PDS5A: variants seen among roughly 807,000 people sequenced by gnomAD.
PDS5A encodes the protein PDS5 cohesin associated factor A, also known as sister chromatid cohesion protein PDS5 homolog A.
A neutral mutation model predicts 167.1 loss-of-function variants in PDS5A; 42 were observed. The observed-to-expected ratio is 0.25, with a 90% confidence interval of 0.20 to 0.33. The LOEUF is 0.33. Ranked by LOEUF, PDS5A falls within the 10% of genes least tolerant of loss-of-function variation. The pLI, the probability that PDS5A is intolerant of heterozygous loss-of-function variation, is 1.00. For synonymous variants in PDS5A, 553 were observed against 554.6 expected (o/e 1.00, Z 0.04); for missense variants, 1,033 against 1,605.9 (o/e 0.64, Z 6.10).
At position 39,977,602 on chromosome 4, in the gene PDS5A, C is replaced by T. The variant is rs896165217; in HGVS notation, c.-186G>A. The T allele has an allele frequency of 1.3e-5, 2 of 159,434 alleles. No homozygotes were observed. The highest frequency in any genetic ancestry group is 2.7e-5 in the Non-Finnish European group (2 of 74,568). 9.9% of individuals were successfully genotyped at this position (159,434 alleles called of 1,614,324 possible). A position where few individuals can be genotyped will look rare whatever the true frequency, so the allele number is the denominator to read the frequency against. Reference sequence around the variant, plus strand: ...GCCGCCCGCCCGCCCGGGAGCGGCGCTGGGGCTGGCGGTGCCGAGGAGGAG... The same window carrying T: ...GCCGCCCGCCCGCCCGGGAGCGGCGTTGGGGCTGGCGGTGCCGAGGAGGAG... On this transcript the variant is annotated 5_prime_UTR_variant, in exon 1 of 33. Coordinates refer to ENST00000303538, the MANE Select transcript of PDS5A (RefSeq NM_001100399.2). The surrounding 1 kb of genome is among the most constrained non-coding windows in gnomAD (Gnocchi z 4.2).
intron 8 of PDS5A, among the ~76,000 whole-genome samples, chr4:39,914,254 C>T (rs557445426): frequency 5.3e-5 from 8 of 150,988 alleles, no homozygotes; most frequent in East Asian, 2.0e-4. Context: ...CTCTGCCTCC[C>T]GGGTTCAAGA....
At position 39,931,466 on chromosome 4, in the gene PDS5A, C is replaced by T. The variant is rs375233322; in HGVS notation, c.139-3302G>A. ...AATCTCTCAAGAGGCTGTACCTGGT[C>T]AAGGCTGCAGTTATCTGAAGGCTTG... On this transcript the variant is annotated intron_variant, in intron 2 of 32. Coordinates refer to ENST00000303538, the MANE Select transcript of PDS5A (RefSeq NM_001100399.2). 4.8e-4 allele frequency among the ~76,000 whole-genome samples: 73 copies of T among 152,192 alleles called. No individual in the cohort carries two copies. In the South Asian group the frequency reaches 0.015, roughly 30 times the overall value.
chr4:39,927,949 G>C lies in PDS5A; in HGVS notation c.342+12C>G, dbSNP rs745916011. On this transcript the variant is annotated intron_variant, in intron 3 of 32. Transcript: ENST00000303538. ...ATGAAAAATACAATAAAGTGAAAAA[G>C]GCTGTATTTACCTTAAGTTTATCAT... 6.4e-7 allele frequency: 1 copy of C among 1,571,762 alleles called. No homozygotes were observed.
intron 26 of PDS5A, among the ~76,000 whole-genome samples, chr4:39,851,360 C>A (rs1024224974): frequency 2.7e-5 from 4 of 150,888 alleles, no homozygotes; most frequent in African/African-American, 9.8e-5. Context: ...AGTGCAGTGG[C>A]GTGATCACAG....
chr4:39,900,015 G>A (rs1371769298), intron 14 of PDS5A, among the ~76,000 whole-genome samples: 4 of 151,876 alleles, frequency 2.6e-5, no homozygotes, highest in African/African-American at 7.3e-5. Context: ...AAAATTTAAT[G>A]GCATTTCTTT....
chr4:39,867,237 T>A (rs1221699713), intron 22 of PDS5A, among the ~76,000 whole-genome samples: 1 of 151,548 alleles, frequency 6.6e-6, no homozygotes. Context: ...AAAATTCTTA[T>A]GAGGAAGATT....
intron 2 of PDS5A, among the ~76,000 whole-genome samples, chr4:39,929,540 T>TAC (rs1560493135): frequency 1.0e-5 from 1 of 98,694 alleles, no homozygotes; most frequent in African/African-American, 3.4e-5. Flanking sequence ...TATATATATA[T>TAC]ATATATATAT....
At chr4:39,968,103 T>C (rs1730156272) in intron 2 of PDS5A, among the ~76,000 whole-genome samples, 1 of 152,136 alleles carries the variant, frequency 6.6e-6, no homozygotes, top group South Asian at 2.1e-4. Flanking sequence ...TGCACAGCTA[T>C]TTATAAGTGT....
chr4:39,835,902 T>C (rs904656222), intron 32 of PDS5A, among the ~76,000 whole-genome samples: 6 of 152,178 alleles, frequency 3.9e-5, no homozygotes, highest in African/African-American at 7.2e-5. Context: ...TTAGGTAGCC[T>C]GTGTGTGATG....
intron 2 of PDS5A, among the ~76,000 whole-genome samples, chr4:39,972,539 A>T (rs890130677): frequency 2.0e-5 from 3 of 151,880 alleles, no homozygotes; most frequent in Non-Finnish European, 4.4e-5. Flanking sequence ...ATAAATAAAT[A>T]AAAAATAAAA....
intron 5 of PDS5A, among the ~76,000 whole-genome samples, chr4:39,923,732 A>G (rs1725225638): frequency 6.6e-6 from 1 of 151,990 alleles, no homozygotes; most frequent in Admixed American, 6.6e-5. Context: ...AAAGGTGATA[A>G]AATTTTAAGG....
At position 39,830,582 on chromosome 4, in the gene PDS5A, C is replaced by A. The variant is rs188999924; in HGVS notation, c.4011-5094G>T. ...CTGAGATTACAGGTGTGTGCCACCA[C>A]GCCCAGCTAATTTTGTATTTTTAGT... On this transcript the variant is annotated intron_variant, in intron 32 of 32. Transcript: ENST00000303538. Among the ~76,000 whole-genome samples, 395 of 152,196 alleles carry A rather than the reference C, an allele frequency of 2.6e-3. 2 individuals are homozygous for A. Among genetic ancestry groups the A allele is most frequent in the Non-Finnish European group, 5.0e-3 (338 of 68,008 alleles).
chr4:39,951,162 G>A (rs1249858673), intron 2 of PDS5A, among the ~76,000 whole-genome samples: 1 of 152,080 alleles, frequency 6.6e-6, no homozygotes, highest in East Asian at 1.9e-4. Context: ...CAAAGTGCTA[G>A]GATTACAGAA....
At chr4:39,922,996 T>C (rs896892789) in intron 5 of PDS5A, among the ~76,000 whole-genome samples, 21 of 152,122 alleles carry the variant, frequency 1.4e-4, no homozygotes, top group African/African-American at 5.1e-4. Context: ...ACCTAATTTC[T>C]AATAAACTAC....
intron 31 of PDS5A, among the ~76,000 whole-genome samples, chr4:39,838,686 G>T (rs1411237403): frequency 1.3e-5 from 2 of 151,904 alleles, no homozygotes; most frequent in East Asian, 3.9e-4. Context: ...TTATGCCACT[G>T]GACTCCAGCC....
At chr4:39,825,583 TC>T in intron 32 of PDS5A, 95 bp from the exon 33 acceptor site, 13 of 879,850 alleles carry the variant, frequency 1.5e-5, no homozygotes, top group South Asian at 6.1e-5. Flanking sequence ...TTATCTAAAA[TC>T]TTTTTTTTTT....
intron 16 of PDS5A, among the ~76,000 whole-genome samples, chr4:39,894,679 T>C (rs892885711): frequency 6.6e-6 from 1 of 152,226 alleles, no homozygotes; most frequent in Non-Finnish European, 1.5e-5. Context: ...TTATAAGTTA[T>C]TTTAAAACCA....
chr4:39,922,609 A>G lies in PDS5A; in HGVS notation c.654+13T>C. On this transcript the variant is annotated intron_variant, in intron 6 of 32. Coordinates refer to ENST00000303538, the MANE Select transcript of PDS5A (RefSeq NM_001100399.2). ...TTAAACATTAACCTTGAATATCTTC[A>G]TACTTTACAGACCTTATGTGCAGGA... 1 of 1,541,988 alleles carries G rather than the reference A, an allele frequency of 6.5e-7. No homozygotes were observed. Among genetic ancestry groups the G allele is most frequent in the Non-Finnish European group, 8.7e-7 (1 of 1,144,908 alleles).
chr4:39,876,847 A>C, intron 19 of PDS5A, 146 bp downstream of exon 19: 1 of 534,620 alleles, frequency 1.9e-6, no homozygotes, highest in Non-Finnish European at 3.2e-6. Context: ...GGGAAAGACA[A>C]AGCAGAGGAG....
Sources: allele counts gnomAD v4.1 joint callset (sites outside exome capture counted in the v4.1 genomes callset), GRCh38; gene constraint gnomAD v4.1.1; non-coding constraint Gnocchi (gnomAD v3.1); transcripts MANE v1.5; gene names NCBI Gene and HGNC (gene_info 2026-07-23, HGNC 2026-07-21).